The following HDAC9 variants were observed in gnomAD, a reference collection of about 807,000 sequenced individuals.
The protein encoded by HDAC9 is histone deacetylase 9.
HDAC9 carries 41 observed loss-of-function variants against 139.4 expected under a neutral mutation model. The ratio of observed to expected loss-of-function variants is 0.29; its 90% confidence interval spans 0.23 to 0.38. The LOEUF is 0.38. Ranked by LOEUF, HDAC9 falls within the 10% of genes least tolerant of loss-of-function variation. HDAC9 has a pLI of 1.00. For missense variants in HDAC9, 1,147 were observed against 1,297.0 expected (o/e 0.88, Z 1.78); for synonymous variants, 517 against 476.2 (o/e 1.09, Z -1.12).
chr7:18,986,493 G>A (rs1200308017), intron 25 of HDAC9, among the ~76,000 whole-genome samples: 3 of 118,610 alleles, frequency 2.5e-5, no homozygotes, highest in African/African-American at 6.1e-5. Flanking sequence ...ATAGTTTGAA[G>A]TCAGGTAGTG....
At chr7:18,306,502 G>T (rs538513668) in intron 1 of HDAC9, among the ~76,000 whole-genome samples, 40 of 152,310 alleles carry the variant, frequency 2.6e-4, no homozygotes, top group African/African-American at 9.4e-4. Context: ...GGAAAGAAAA[G>T]ATGATAGTAA....
At chr7:18,762,761 C>A (rs1325158459) in intron 15 of HDAC9, among the ~76,000 whole-genome samples, 1 of 152,114 alleles carries the variant, frequency 6.6e-6, no homozygotes, top group Non-Finnish European at 1.5e-5. Flanking sequence ...AGCAAGATTG[C>A]AAATCTATTT....
intron 16 of HDAC9, among the ~76,000 whole-genome samples, chr7:18,786,506 C>CTTCT (rs1791763578): frequency 7.9e-6 from 1 of 126,052 alleles, no homozygotes; most frequent in Non-Finnish European, 1.7e-5. Flanking sequence ...TCCTTCCTTC[C>CTTCT]TCTCTCTCAT....
chr7:18,786,315 C>T (rs543628081), intron 16 of HDAC9, among the ~76,000 whole-genome samples: 10 of 152,210 alleles, frequency 6.6e-5, no homozygotes, highest in Middle Eastern at 3.4e-3. Flanking sequence ...TTTACTGGCC[C>T]TAACTCTTTA....
At chr7:18,622,162 T>C (rs1840382947) in intron 6 of HDAC9, among the ~76,000 whole-genome samples, 1 of 152,108 alleles carries the variant, frequency 6.6e-6, no homozygotes, top group Non-Finnish European at 1.5e-5. Flanking sequence ...TGTGGAGAAG[T>C]TGACAGATAT....
At position 18,520,270 on chromosome 7, in the gene HDAC9, C is replaced by G. The variant is rs550176363; in HGVS notation, c.22+23946C>G. Among the ~76,000 whole-genome samples the G allele has an allele frequency of 5.9e-5, 9 of 152,200 alleles. No homozygotes were observed. The South Asian group carries it at 6.2e-4, about 11-fold the overall frequency. ...TATATTTTTCTTTTCATTCTGAAGACCACCTCTTGCAGGTAACTTTTTCTA... is the reference window on the plus strand; with the variant it reads ...TATATTTTTCTTTTCATTCTGAAGAGCACCTCTTGCAGGTAACTTTTTCTA... On this transcript the variant is annotated intron_variant, in intron 2 of 25. Transcript: ENST00000686413.
At chr7:18,428,652 T>C (rs570880412) in intron 1 of HDAC9, among the ~76,000 whole-genome samples, 1 of 152,294 alleles carries the variant, frequency 6.6e-6, no homozygotes, top group East Asian at 1.9e-4. Context: ...TGTGGAGACA[T>C]TGGAGCCCTG....
chr7:18,533,463 TTCTA>T, intron 2 of HDAC9, among the ~76,000 whole-genome samples: 1 of 152,234 alleles, frequency 6.6e-6, no homozygotes, highest in East Asian at 1.9e-4. Flanking sequence ...AATGTCATTT[TTCTA>T]TCTTTTTCAA....
At chr7:18,544,061 T>A (rs1334279943) in intron 2 of HDAC9, among the ~76,000 whole-genome samples, 1 of 152,186 alleles carries the variant, frequency 6.6e-6, no homozygotes, top group Admixed American at 6.5e-5. Context: ...CGTAGTAAAA[T>A]ACTAAGAGGC....
At chr7:18,669,209 T>C (rs181149445) in intron 12 of HDAC9, among the ~76,000 whole-genome samples, 1 of 151,890 alleles carries the variant, frequency 6.6e-6, no homozygotes, top group East Asian at 1.9e-4. Context: ...ACTTAAAAAA[T>C]TATTTTTAAA....
intron 12 of HDAC9, among the ~76,000 whole-genome samples, chr7:18,696,416 T>C (rs1257876151): frequency 6.7e-6 from 1 of 148,704 alleles, no homozygotes; most frequent in Non-Finnish European, 1.5e-5. Flanking sequence ...AAAACTTGTA[T>C]GTTATACATT....
At chr7:18,839,686 A>G (rs369883452) in intron 21 of HDAC9, among the ~76,000 whole-genome samples, 1 of 152,070 alleles carries the variant, frequency 6.6e-6, no homozygotes, top group Non-Finnish European at 1.5e-5. Context: ...CTGAACATCT[A>G]TTCATTTTGT....
In HDAC9 at chr7:18,458,035, C is replaced by T. The variant is rs213269; in HGVS notation, c.-41-38227C>T. On this transcript the variant is annotated intron_variant, in intron 1 of 3. Coordinates refer to the HDAC9 transcript ENST00000413509. ...CAGATGGGGTTGGTTTTTATAAAAA[C>T]GTTAAGGCTGAATCATATTTGTTGT... Among the ~76,000 whole-genome samples the T allele has an allele frequency of 8.6e-3, 1,316 of 152,222 alleles. 21 individuals are homozygous for T. The highest frequency in any genetic ancestry group is 0.03 in the African/African-American group (1,265 of 41,546).
intron 1 of HDAC9, among the ~76,000 whole-genome samples, chr7:18,123,878 C>T (rs938589699): frequency 2.0e-5 from 3 of 152,092 alleles, no homozygotes; most frequent in Non-Finnish European, 4.4e-5. Context: ...GTTCTATAAA[C>T]CTTTATAACC....
intron 2 of HDAC9, among the ~76,000 whole-genome samples, chr7:18,271,949 C>G (rs1302194110): frequency 6.6e-6 from 1 of 152,120 alleles, no homozygotes; most frequent in East Asian, 1.9e-4. Flanking sequence ...GTTCCAACAT[C>G]TTTGAGAGGA....
intron 22 of HDAC9, among the ~76,000 whole-genome samples, chr7:18,879,147 A>C (rs1454040605): frequency 6.6e-6 from 1 of 152,122 alleles, no homozygotes; most frequent in African/African-American, 2.4e-5. Flanking sequence ...ACTCTGCTCA[A>C]AGAAATCAGA....
Position 18,561,167 on chromosome 7 carries a change from G to T in HDAC9, c.23-24114G>T, listed in dbSNP as rs913251699. On this transcript the variant is annotated intron_variant, in intron 2 of 25. Coordinates refer to ENST00000686413, the MANE Select transcript of HDAC9 (RefSeq NM_178425.4). Reference sequence around the variant, plus strand: ...TTAAAAGAAGTCAGTTATTTGTGGTGGCATTTTAAGTGGATGCTTTCGCAT... The same window carrying T: ...TTAAAAGAAGTCAGTTATTTGTGGTTGCATTTTAAGTGGATGCTTTCGCAT... Among the ~76,000 whole-genome samples, 4 of 152,148 alleles carry T rather than the reference G, an allele frequency of 2.6e-5. No homozygotes were observed. In the South Asian group the frequency reaches 8.3e-4, roughly 32 times the overall value.
At chr7:18,715,589 G>T (rs1315270218) in intron 12 of HDAC9, among the ~76,000 whole-genome samples, 1 of 151,920 alleles carries the variant, frequency 6.6e-6, no homozygotes, top group Non-Finnish European at 1.5e-5. Context: ...GGAATGAGAG[G>T]GTATAAAGAT....
intron 19 of HDAC9, among the ~76,000 whole-genome samples, chr7:18,832,472 C>T (rs1017284536): frequency 7.9e-5 from 12 of 152,146 alleles, no homozygotes; most frequent in African/African-American, 2.9e-4. Flanking sequence ...TCAATGTTTG[C>T]AGTATGCTTT....
Sources: allele counts gnomAD v4.1 joint callset (sites outside exome capture counted in the v4.1 genomes callset), GRCh38; gene constraint gnomAD v4.1.1; transcripts MANE v1.5; gene names NCBI Gene and HGNC (gene_info 2026-07-23, HGNC 2026-07-21).